The following MCTP1 variants were observed in gnomAD, a reference collection of about 807,000 sequenced individuals.
MCTP1 encodes the protein multiple C2 and transmembrane domain containing 1.
Under a neutral mutation model 120.6 loss-of-function variants are expected in MCTP1, and 69 were observed. The ratio of observed to expected loss-of-function variants is 0.57; its 90% CI spans 0.47 to 0.70. MCTP1 has a LOEUF of 0.70. Ranked by LOEUF, MCTP1 falls within the 30% of genes least tolerant of loss-of-function variation. MCTP1 has a pLI of 0.00. For missense variants in MCTP1, 1,203 were observed against 1,248.8 expected (o/e 0.96, Z 0.55); for synonymous variants, 529 against 493.1 (o/e 1.07, Z -0.96).
chr5:94,802,248 T>G (rs1211694929), intron 17 of MCTP1, among the ~76,000 whole-genome samples: 1 of 152,176 alleles, frequency 6.6e-6, no homozygotes, highest in Admixed American at 6.5e-5. Flanking sequence ...ACAAAAGCAT[T>G]TATTTTTCTT....
rs568880656 is a variant in MCTP1 at position 94,817,179 on chromosome 5, C to T, written c.2437-18047G>A. 3.2e-3 allele frequency among the ~76,000 whole-genome samples: 490 copies of T among 152,122 alleles called. 4 individuals carry two copies. The highest frequency in any genetic ancestry group is 0.011 in the African/African-American group (470 of 41,500). ...CAGCACTTTGGGAGGCCGAGGCAGG[C>T]GGATCACGAGGTCAGGAAATCGAGA... On this transcript the variant is annotated intron_variant, in intron 17 of 22. Transcript: ENST00000515393.
chr5:94,759,309 T>C (rs969461569), intron 19 of MCTP1, among the ~76,000 whole-genome samples: 1 of 152,198 alleles, frequency 6.6e-6, no homozygotes, highest in Non-Finnish European at 1.5e-5. Flanking sequence ...ATGATATCTT[T>C]CATGTAGAAA....
At chr5:95,112,988 A>C (rs1351960940) in intron 1 of MCTP1, among the ~76,000 whole-genome samples, 2 of 152,202 alleles carry the variant, frequency 1.3e-5, no homozygotes, top group African/African-American at 4.8e-5. Flanking sequence ...CTATTATGTA[A>C]ATCTAATGGT....
chr5:94,801,964 T>C (rs375163978), intron 17 of MCTP1, among the ~76,000 whole-genome samples: 189 of 152,308 alleles, frequency 1.2e-3, no homozygotes, highest in African/African-American at 4.4e-3. Context: ...TCTTAAAATA[T>C]AGCACTCAGA....
chr5:95,126,429 A>G (rs1193283832), intron 1 of MCTP1, among the ~76,000 whole-genome samples: 5 of 152,214 alleles, frequency 3.3e-5, no homozygotes, highest in African/African-American at 1.2e-4. Flanking sequence ...CCATGCATGC[A>G]TTTATTTTTA....
chr5:95,101,772 A>G (rs1369815351), intron 1 of MCTP1, among the ~76,000 whole-genome samples: 1 of 152,248 alleles, frequency 6.6e-6, no homozygotes, highest in Admixed American at 6.5e-5. Flanking sequence ...AATGGAGAGA[A>G]TGAAATGAAG....
At chr5:95,080,233 T>G (rs776859754) in intron 1 of MCTP1, among the ~76,000 whole-genome samples, 6 of 152,166 alleles carry the variant, frequency 3.9e-5, no homozygotes, top group Non-Finnish European at 2.9e-5. Flanking sequence ...ATTTGGACAT[T>G]TGTGCTGTGG....
chr5:94,825,003 G>T (rs1472305249), intron 17 of MCTP1, among the ~76,000 whole-genome samples: 1 of 152,110 alleles, frequency 6.6e-6, no homozygotes, highest in Non-Finnish European at 1.5e-5. Context: ...TGGATACACT[G>T]ATTGTTTTGA....
In MCTP1 at chr5:94,945,063, C is replaced by T. The variant is rs189929237; in HGVS notation, c.982-2636G>A. On this transcript the variant is annotated intron_variant, in intron 3 of 22. Coordinates refer to ENST00000515393, the MANE Select transcript of MCTP1 (RefSeq NM_024717.7). ...CCCAAATCCTAGGGCTAGGAAGACA[C>T]GAGATTCAAATCTTGTTGTATTGAG... Among the ~76,000 whole-genome samples the T allele has an allele frequency of 1.0e-3, 158 of 152,148 alleles. No homozygotes were observed. In the Middle Eastern group the frequency reaches 0.014, roughly 13 times the overall value.
intron 19 of MCTP1, among the ~76,000 whole-genome samples, chr5:94,725,037 C>T (rs1761826798): frequency 6.6e-6 from 1 of 152,178 alleles, no homozygotes; most frequent in African/African-American, 2.4e-5. Context: ...GTATGCCTCA[C>T]AGGGTTTTCT....
chr5:94,732,500 C>G (rs1241137858), intron 19 of MCTP1, among the ~76,000 whole-genome samples: 1 of 152,098 alleles, frequency 6.6e-6, no homozygotes, highest in Admixed American at 6.6e-5. Flanking sequence ...ATTTAAGAAA[C>G]TTTTTAGCTG....
At chr5:94,759,554 G>A (rs1214235868) in intron 19 of MCTP1, among the ~76,000 whole-genome samples, 1 of 152,118 alleles carries the variant, frequency 6.6e-6, no homozygotes, top group Non-Finnish European at 1.5e-5. Context: ...ACATCCCTAC[G>A]ACATCTTACG....
At chr5:95,220,984 A>C (rs1753627650) in intron 1 of MCTP1, among the ~76,000 whole-genome samples, 1 of 152,254 alleles carries the variant, frequency 6.6e-6, no homozygotes, top group African/African-American at 2.4e-5. Context: ...AAAATTACGC[A>C]AAAAGGACCT....
intron 17 of MCTP1, among the ~76,000 whole-genome samples, chr5:94,849,072 G>T (rs1793116741): frequency 6.6e-6 from 1 of 151,718 alleles, no homozygotes; most frequent in African/African-American, 2.4e-5. Context: ...AATAAACAAG[G>T]CTCAATTTTC....
In MCTP1 at chr5:94,748,568, A is replaced by C. The variant is rs144162383; in HGVS notation, c.2610+30542T>G. Among the ~76,000 whole-genome samples, 47 of 152,338 alleles carry C rather than the reference A, an allele frequency of 3.1e-4. No homozygotes were observed. The East Asian group carries it at 6.4e-3, about 21-fold the overall frequency. On this transcript the variant is annotated intron_variant, in intron 19 of 22. Transcript: ENST00000515393. ...TAGATTCAAATCTTTGACTGGAAATAAAATTTCTGTGGGGCAAGTTTTTAT... is the reference window on the plus strand; with the variant it reads ...TAGATTCAAATCTTTGACTGGAAATCAAATTTCTGTGGGGCAAGTTTTTAT...
rs1439858152 is a variant in MCTP1, at chr5:94,730,523, G to A, written c.2611-15637C>T. On this transcript the variant is annotated intron_variant, in intron 19 of 22. Transcript: ENST00000515393. ...GGGAAAAGGGCAGATGAAGAGTTGT[G>A]TTTGGGCTGTGAAAAAGTATGAGGT... Among the ~76,000 whole-genome samples the A allele has an allele frequency of 3.3e-5, 5 of 152,180 alleles. No individual in the cohort carries two copies. The East Asian group carries it at 9.6e-4, about 29-fold the overall frequency.
intron 18 of MCTP1, among the ~76,000 whole-genome samples, chr5:94,787,679 C>G (rs1339195751): frequency 1.3e-5 from 2 of 151,222 alleles, no homozygotes; most frequent in African/African-American, 2.4e-5. Flanking sequence ...TGCAGTGGCG[C>G]GATCTCGGCT....
intron 1 of MCTP1, among the ~76,000 whole-genome samples, chr5:95,064,332 T>C (rs919422278): frequency 6.6e-6 from 1 of 152,244 alleles, no homozygotes; most frequent in African/African-American, 2.4e-5. Flanking sequence ...TCTTTCTCTG[T>C]GTGCTCATGT....
chr5:94,934,040 T>C (rs1347192816), intron 5 of MCTP1, among the ~76,000 whole-genome samples: 3 of 151,868 alleles, frequency 2.0e-5, no homozygotes, highest in Non-Finnish European at 4.4e-5. Flanking sequence ...CCAGTAACTC[T>C]CAAAATGACC....
Sources: allele counts gnomAD v4.1 joint callset (sites outside exome capture counted in the v4.1 genomes callset), GRCh38; gene constraint gnomAD v4.1.1; transcripts MANE v1.5; gene names NCBI Gene and HGNC (gene_info 2026-07-23, HGNC 2026-07-21).